The following SLC37A3 variants were observed in gnomAD, a reference collection of about 807,000 sequenced individuals.
SLC37A3 encodes sugar phosphate exchanger 3.
A neutral mutation model predicts 67.1 loss-of-function variants in SLC37A3; 51 were observed. That is an observed-to-expected ratio of 0.76 (90% CI 0.61 to 0.96). SLC37A3 has a LOEUF of 0.96. SLC37A3 is among the 40% of genes least tolerant of loss of function. The probability of loss-of-function intolerance (pLI) is 0.00; values close to 1 mark genes in which losing one functional copy is unlikely to be tolerated. For synonymous variants in SLC37A3, 214 were observed against 231.4 expected, an observed-to-expected ratio of 0.92 and a Z score of 0.68; for missense variants, 508 against 603.0, an observed-to-expected ratio of 0.84 and a Z score of 1.65.
Position 140,334,621 on chromosome 7 carries a change from A to G in SLC37A3, c.*791T>C, listed in dbSNP as rs1469859359. 1.3e-5 allele frequency: 2 copies of G among 152,892 alleles called. No individual in the cohort carries two copies. The highest frequency in any genetic ancestry group is 4.8e-5 in the African/African-American group (2 of 41,452). The allele number at this position is 152,892 out of a possible 1,614,324, so 9.5% of individuals were successfully genotyped here. ...TGAGTTACACGTCGGAATGTTCAAGATAAATGATGTACCTTATGGTCCTTT... is the reference window on the plus strand; with the variant it reads ...TGAGTTACACGTCGGAATGTTCAAGGTAAATGATGTACCTTATGGTCCTTT... On this transcript the variant is annotated 3_prime_UTR_variant, in exon 15 of 15. Transcript: ENST00000326232.
chr7:140,382,578 T>C lies in SLC37A3; in HGVS notation c.-52A>G, dbSNP rs1024218295. On this transcript the variant is annotated 5_prime_UTR_variant, in exon 2 of 15. Transcript: ENST00000326232. ...TTGACCTTAAGGTTTGGATGAGTGA[T>C]TTACATCATTTCTTCCTTCTGGAAA... The C allele has an allele frequency of 2.7e-6, 4 of 1,465,954 alleles. No individual in the cohort carries two copies. The African/African-American group carries it at 5.6e-5, about 20-fold the overall frequency. The allele number at this position is 1,465,954 out of a possible 1,614,324, so 90.8% of individuals were successfully genotyped here. A position where few individuals can be genotyped will look rare whatever the true frequency, so the allele number is the denominator to read the frequency against.
At chr7:140,343,337 C>T in intron 13 of SLC37A3, 75 bp downstream of exon 13, 2 of 1,599,854 alleles carry the variant, frequency 1.3e-6, no homozygotes. Context: ...CCTACTGAGG[C>T]CCAGAGGGCA....
At chr7:140,358,024 C>T (rs1308555344) in intron 6 of SLC37A3, among the ~76,000 whole-genome samples, 5 of 151,942 alleles carry the variant, frequency 3.3e-5, no homozygotes, top group Admixed American at 2.6e-4. Flanking sequence ...TGCAGTGAGC[C>T]GAGATCACCC....
intron 2 of SLC37A3, among the ~76,000 whole-genome samples, chr7:140,381,959 A>G (rs1393208135): frequency 6.8e-6 from 1 of 146,888 alleles, no homozygotes; most frequent in Non-Finnish European, 1.5e-5. Context: ...GGTTGCAGTG[A>G]GCTGAGGTCA....
Position 140,334,964 on chromosome 7 carries a change from C to A in SLC37A3, c.*448G>T. 1 of 384,940 alleles carries A rather than the reference C, an allele frequency of 2.6e-6. No homozygotes were observed. Among genetic ancestry groups the A allele is most frequent in the Non-Finnish European group, 4.9e-6 (1 of 203,156 alleles). 23.8% of individuals were successfully genotyped at this position (384,940 alleles called of 1,614,324 possible). On this transcript the variant is annotated 3_prime_UTR_variant, in exon 15 of 15. Coordinates refer to ENST00000326232, the MANE Select transcript of SLC37A3 (RefSeq NM_207113.3). The stretch of plus-strand genomic sequence containing the variant: ...TCAAAGATGACCCACTCTCTGTAAA[C>A]TCATTACCAAAGCAAAATGCAATGA...
chr7:140,356,492 A>G (rs1312170594), intron 6 of SLC37A3, among the ~76,000 whole-genome samples: 1 of 151,834 alleles, frequency 6.6e-6, no homozygotes, highest in African/African-American at 2.4e-5. Context: ...GACTAGCCTG[A>G]CCAACACGGC....
intron 1 of SLC37A3, among the ~76,000 whole-genome samples, chr7:140,384,565 A>C (rs909765832): frequency 5.9e-5 from 9 of 151,876 alleles, no homozygotes; most frequent in South Asian, 2.1e-4. Flanking sequence ...TAAAAAAAAA[A>C]AACAACAGCC....
At chr7:140,356,734 A>G (rs1369938903) in intron 6 of SLC37A3, among the ~76,000 whole-genome samples, 1 of 152,216 alleles carries the variant, frequency 6.6e-6, no homozygotes, top group Non-Finnish European at 1.5e-5. Flanking sequence ...ACGTCATTAG[A>G]TATTAGAAAA....
chr7:140,338,142 G>A (rs917097557), intron 13 of SLC37A3, among the ~76,000 whole-genome samples: 2 of 151,926 alleles, frequency 1.3e-5, no homozygotes, highest in Non-Finnish European at 1.5e-5. Context: ...CGTCCACCTC[G>A]GCCTCCCAAA....
At chr7:140,345,999 T>C (rs779326747) in intron 10 of SLC37A3, 29 bp from the exon 11 acceptor site, 19 of 1,553,486 alleles carry the variant, frequency 1.2e-5, no homozygotes, top group Non-Finnish European at 1.6e-5. Flanking sequence ...GCAATCAAAA[T>C]CACTTCTAAT....
intron 1 of SLC37A3, among the ~76,000 whole-genome samples, chr7:140,397,617 G>T (rs1798990846): frequency 6.6e-6 from 1 of 152,084 alleles, no homozygotes; most frequent in African/African-American, 2.4e-5. Flanking sequence ...CCAAAGCACT[G>T]AAGACATTCC....
chr7:140,380,372 A>T lies in SLC37A3; in HGVS notation c.108T>A (p.Ala36=), dbSNP rs1457045441. The change falls in exon 3 of 15, where the codon GCT becomes GCA. Residue 36 remains alanine, a synonymous_variant. Coordinates refer to ENST00000326232, the MANE Select transcript of SLC37A3 (RefSeq NM_207113.3). ...LTFFSYSLLH[A]SRKTFSNVKV... ...TGACATTGCTAAATGTTTTTCGTGA[A>T]GCATGGAGCAACGAATAACTACAAA... The T allele has an allele frequency of 6.2e-7, 1 of 1,612,524 alleles. No homozygotes were observed. The highest frequency in any genetic ancestry group is 2.2e-5 in the East Asian group (1 of 44,870).
chr7:140,375,049 G>C (rs992087211), intron 3 of SLC37A3, among the ~76,000 whole-genome samples: 2 of 105,046 alleles, frequency 1.9e-5, no homozygotes, highest in East Asian at 5.8e-4. Context: ...GGGAGGCTGA[G>C]GCAGAAGAAT....
At chr7:140,347,439 C>G (rs967757912) in intron 10 of SLC37A3, among the ~76,000 whole-genome samples, 3 of 152,090 alleles carry the variant, frequency 2.0e-5, no homozygotes, top group East Asian at 3.9e-4. Context: ...TATCAGATAG[C>G]AGGCAGCTGG....
chr7:140,395,910 T>G (rs1798907304), intron 1 of SLC37A3, among the ~76,000 whole-genome samples: 1 of 151,982 alleles, frequency 6.6e-6, no homozygotes, highest in Non-Finnish European at 1.5e-5. Context: ...GTTTTCAAAG[T>G]GTAAAGAAGA....
rs201193713 is a variant in SLC37A3, at chr7:140,343,493, G to A, written c.1245C>T (p.Leu415=). The A allele has an allele frequency of 6.6e-4, 1,058 of 1,613,960 alleles. 12 individuals carry two copies. In the East Asian group the frequency reaches 0.022, roughly 33 times the overall value. Residue 415 remains leucine, a synonymous_variant, in exon 13 of 15, where the codon CTC becomes CTT. Transcript: ENST00000326232. ...CCAAAGCTTCACTGCTCCTTTGGAT[G>A]AGCTCCTGGCGACCCAAGTCCGCAG... ...AISADLGRQE[L]IQRSSEALAT...
intron 7 of SLC37A3, among the ~76,000 whole-genome samples, chr7:140,353,985 C>G (rs373305119): frequency 1.3e-5 from 2 of 152,322 alleles, no homozygotes; most frequent in East Asian, 3.9e-4. Flanking sequence ...GCTGGGATTA[C>G]AGGCGTGAGC....
chr7:140,388,107 AT>A (rs371623658), intron 1 of SLC37A3, among the ~76,000 whole-genome samples: 184 of 145,504 alleles, frequency 1.3e-3, no homozygotes, highest in Non-Finnish European at 1.9e-3. Flanking sequence ...CATTAGAATT[AT>A]TTTAAAAGAC....
At position 140,364,393 on chromosome 7, in the gene SLC37A3, G is replaced by A. The variant is rs917732435; in HGVS notation, c.375+15C>T. 1 of 1,607,426 alleles carries A rather than the reference G, an allele frequency of 6.2e-7. No homozygotes were observed. The highest frequency in any genetic ancestry group is 1.3e-5 in the African/African-American group (1 of 74,640). ...TACCTGACCAAAATAATAATAATAA[G>A]ACCTTTCAACTTACCACTAATGCAG... On this transcript the variant is annotated intron_variant, in intron 5 of 14. Transcript: ENST00000326232.
Sources: allele counts gnomAD v4.1 joint callset (sites outside exome capture counted in the v4.1 genomes callset), GRCh38; gene constraint gnomAD v4.1.1; transcripts MANE v1.5; gene names NCBI Gene and HGNC (gene_info 2026-07-23, HGNC 2026-07-21).